The following OSBPL10 variants were observed in gnomAD, a reference collection of about 807,000 sequenced individuals.
OSBPL10 encodes oxysterol-binding protein-related protein 10.
Under a neutral mutation model 81.7 loss-of-function variants are expected in OSBPL10, and 49 were observed. That is an observed-to-expected ratio of 0.60 (90% CI 0.48 to 0.76). The LOEUF is 0.76. OSBPL10 is among the 30% of genes least tolerant of loss of function. The pLI, the probability that OSBPL10 is intolerant of heterozygous loss-of-function variation, is 0.00. For synonymous variants in OSBPL10, 419 were observed against 383.6 expected (o/e 1.09, Z -1.08); for missense variants, 923 against 987.8 (o/e 0.93, Z 0.88).
chr3:31,823,245 A>G lies in OSBPL10; in HGVS notation c.729+6795T>C, dbSNP rs78465922. On this transcript the variant is annotated intron_variant, in intron 4 of 11. Coordinates refer to ENST00000396556, the MANE Select transcript of OSBPL10 (RefSeq NM_017784.5). ...CTAAGCAACCCTTGAATACCTCCAT[A>G]TGCCATTTTAAAAGAGCCCTAACAG... Among the ~76,000 whole-genome samples the G allele has an allele frequency of 2.0e-5, 3 of 152,308 alleles. No individual in the cohort carries two copies. The East Asian group carries it at 5.8e-4, about 29-fold the overall frequency.
chr3:31,845,925 C>T (rs1367504989), intron 3 of OSBPL10, among the ~76,000 whole-genome samples: 1 of 152,162 alleles, frequency 6.6e-6, no homozygotes, highest in Non-Finnish European at 1.5e-5. Flanking sequence ...CAACTGTGGT[C>T]AAGACATGGA....
chr3:31,793,097 A>C (rs1699073729), intron 4 of OSBPL10, among the ~76,000 whole-genome samples: 1 of 152,078 alleles, frequency 6.6e-6, no homozygotes, highest in South Asian at 2.1e-4. Context: ...CCCCAGTTCC[A>C]CTATTTCCCA....
In OSBPL10 at chr3:31,833,041, T is replaced by C. The variant is rs184654481; in HGVS notation, c.538-2810A>G. On this transcript the variant is annotated intron_variant, in intron 3 of 11. Transcript: ENST00000396556. The stretch of plus-strand genomic sequence containing the variant: ...TGGACATAATGAATTGGAATGCAGA[T>C]AAAGATAGGAAATAACCATATAATA... 3.2e-3 allele frequency among the ~76,000 whole-genome samples: 490 copies of C among 152,320 alleles called. 2 individuals carry two copies. Among genetic ancestry groups the C allele is most frequent in the Middle Eastern group, 0.027 (8 of 294 alleles).
chr3:31,967,868 C>T (rs1047215696), intron 1 of OSBPL10, among the ~76,000 whole-genome samples: 3 of 152,294 alleles, frequency 2.0e-5, no homozygotes, highest in Non-Finnish European at 4.4e-5. Context: ...TCAGTGGCCA[C>T]ATTAGAAGAC....
At chr3:31,968,536 C>T (rs1015784657) in intron 1 of OSBPL10, among the ~76,000 whole-genome samples, 7 of 151,928 alleles carry the variant, frequency 4.6e-5, no homozygotes, top group African/African-American at 1.4e-4. Flanking sequence ...AACACTTTAC[C>T]CAGACTTAAA....
intron 1 of OSBPL10, among the ~76,000 whole-genome samples, chr3:31,906,147 G>A (rs763679123): frequency 1.6e-4 from 25 of 152,042 alleles, no homozygotes; most frequent in Admixed American, 1.2e-3. Flanking sequence ...TCTATTTCAC[G>A]ATCAGGGAAC....
At chr3:31,836,669 G>A (rs1374039872) in intron 3 of OSBPL10, among the ~76,000 whole-genome samples, 1 of 151,820 alleles carries the variant, frequency 6.6e-6, no homozygotes, top group African/African-American at 2.4e-5. Flanking sequence ...ACTGTCCTTG[G>A]GCATCTGACC....
chr3:31,937,745 T>G (rs1697419520), intron 1 of OSBPL10, among the ~76,000 whole-genome samples: 1 of 152,198 alleles, frequency 6.6e-6, no homozygotes, highest in Non-Finnish European at 1.5e-5. Context: ...CTGGAACTCT[T>G]GATGGAAGCA....
intron 1 of OSBPL10, among the ~76,000 whole-genome samples, chr3:31,976,942 C>G (rs563998604): frequency 6.6e-6 from 1 of 152,266 alleles, no homozygotes; most frequent in South Asian, 2.1e-4. Flanking sequence ...ATTTCTAGAT[C>G]CAATTAGAAA....
chr3:31,787,135 G>C (rs1698879316), intron 4 of OSBPL10, among the ~76,000 whole-genome samples: 1 of 152,140 alleles, frequency 6.6e-6, no homozygotes, highest in South Asian at 2.1e-4. Flanking sequence ...CCCTTAGTTT[G>C]TTTGCATTTT....
chr3:31,829,474 G>A (rs1700180158), intron 4 of OSBPL10, among the ~76,000 whole-genome samples: 1 of 152,204 alleles, frequency 6.6e-6, no homozygotes, highest in Non-Finnish European at 1.5e-5. Flanking sequence ...GGCTGGCAAA[G>A]CCTGTTTTAT....
At chr3:31,961,047 CTTTTTTTTTTTTTTTTT>C (rs35027814) in intron 1 of OSBPL10, among the ~76,000 whole-genome samples, 7 of 113,024 alleles carry the variant, frequency 6.2e-5, no homozygotes, top group Admixed American at 9.7e-5. Flanking sequence ...AAGCTACAGC[CTTTTTTTTTTTTTTTTT>C]TTTTTTAACT....
chr3:31,684,798 A>C lies in OSBPL10; in HGVS notation c.1246-684T>G, dbSNP rs573266608. 5.9e-5 allele frequency among the ~76,000 whole-genome samples: 9 copies of C among 152,336 alleles called. No homozygotes were observed. In the East Asian group the frequency reaches 1.7e-3, roughly 29 times the overall value. On this transcript the variant is annotated intron_variant, in intron 7 of 11. Coordinates refer to ENST00000396556, the MANE Select transcript of OSBPL10 (RefSeq NM_017784.5). ...ATTCCATCTGTGGAGGTCGGTCCTC[A>C]AGGCTGGTCCAGGAGAAACCAGTGG...
chr3:32,033,447 G>A (rs1183050880), intron 2 of OSBPL10, among the ~76,000 whole-genome samples: 1 of 152,174 alleles, frequency 6.6e-6, no homozygotes, highest in Non-Finnish European at 1.5e-5. Flanking sequence ...GGAGTACATG[G>A]AATGCAGAGA....
At chr3:31,810,901 T>A (rs1042877177) in intron 4 of OSBPL10, among the ~76,000 whole-genome samples, 1 of 152,146 alleles carries the variant, frequency 6.6e-6, no homozygotes, top group Non-Finnish European at 1.5e-5. Context: ...AAATGACACA[T>A]GGCTGCAGGT....
intron 2 of OSBPL10, chr3:32,045,911 T>G (rs1304636572): frequency 6.6e-6 from 1 of 152,244 alleles, no homozygotes; most frequent in Admixed American, 6.5e-5. Context: ...AAATGATTGC[T>G]CAGTTACAGG....
chr3:31,677,708 T>C (rs1439674243), intron 8 of OSBPL10, among the ~76,000 whole-genome samples: 6 of 152,186 alleles, frequency 3.9e-5, no homozygotes, highest in African/African-American at 1.4e-4. Context: ...CTGCTGCCTA[T>C]GAGAAACAGA....
At chr3:31,970,355 G>A (rs1698524826) in intron 1 of OSBPL10, among the ~76,000 whole-genome samples, 1 of 152,168 alleles carries the variant, frequency 6.6e-6, no homozygotes, top group South Asian at 2.1e-4. Flanking sequence ...TCACCTCGAG[G>A]TTCAAGACGG....
chr3:31,706,985 T>C (rs1160819049), intron 6 of OSBPL10, among the ~76,000 whole-genome samples: 1 of 143,736 alleles, frequency 7.0e-6, no homozygotes, highest in Non-Finnish European at 1.5e-5. Context: ...AACTGCCTTC[T>C]CTCTTAACCT....
Sources: gnomAD v4.1 joint callset for allele counts (sites outside exome capture counted in the v4.1 genomes callset) on GRCh38, gnomAD v4.1.1 for gene constraint, MANE v1.5 for transcripts, NCBI Gene and HGNC (gene_info 2026-07-23, HGNC 2026-07-21) for gene names.